The following EMILIN2 variants were observed in gnomAD, a reference collection of about 807,000 sequenced individuals.
The protein encoded by EMILIN2 is elastin microfibril interfacer 2.
A neutral mutation model predicts 87.1 loss-of-function variants in EMILIN2; 71 were observed. That is an observed-to-expected ratio of 0.82 (90% CI 0.67 to 0.99). EMILIN2 has a LOEUF of 0.99. Ranked by LOEUF, EMILIN2 falls within the 50% of genes least tolerant of loss-of-function variation. EMILIN2 has a pLI of 0.00. For missense variants in EMILIN2, 1,407 were observed against 1,371.8 expected (o/e 1.03, Z -0.40); for synonymous variants, 581 against 563.4 (o/e 1.03, Z -0.44).
chr18:2,898,353 G>A (rs1032651261), intron 4 of EMILIN2, among the ~76,000 whole-genome samples: 4 of 152,180 alleles, frequency 2.6e-5, no homozygotes, highest in African/African-American at 7.2e-5. Flanking sequence ...GGGGCAGCCC[G>A]CCCTCCCCAG....
intron 2 of EMILIN2, among the ~76,000 whole-genome samples, chr18:2,865,878 G>A (rs1482851052): frequency 2.0e-5 from 3 of 152,186 alleles, no homozygotes; most frequent in African/African-American, 7.2e-5. Context: ...CTTCCCAGAC[G>A]CTTTGTTTAC....
chr18:2,906,557 C>T (rs1196874876), intron 4 of EMILIN2: 5 of 365,372 alleles, frequency 1.4e-5, no homozygotes, highest in Admixed American at 4.7e-5. Context: ...AGGCTGGAAA[C>T]GCCCCGGCCC....
intron 2 of EMILIN2, among the ~76,000 whole-genome samples, chr18:2,849,451 T>C (rs1419819114): frequency 6.6e-6 from 1 of 152,170 alleles, no homozygotes; most frequent in African/African-American, 2.4e-5. Flanking sequence ...GTTTTTATTT[T>C]CTCAAATTAT....
At chr18:2,896,093 C>A (rs2076862070) in intron 4 of EMILIN2, among the ~76,000 whole-genome samples, 1 of 151,966 alleles carries the variant, frequency 6.6e-6, no homozygotes, top group African/African-American at 2.4e-5. Flanking sequence ...TTAAATAGAT[C>A]TAAGTCTCTT....
chr18:2,866,779 C>T (rs903854020), intron 2 of EMILIN2, among the ~76,000 whole-genome samples: 1 of 152,176 alleles, frequency 6.6e-6, no homozygotes, highest in African/African-American at 2.4e-5. Context: ...TATTCCAGTT[C>T]TCAGAGGGAA....
chr18:2,868,749 C>T (rs1003911747), intron 2 of EMILIN2, among the ~76,000 whole-genome samples: 2 of 152,202 alleles, frequency 1.3e-5, no homozygotes, highest in African/African-American at 2.4e-5. Flanking sequence ...GGCAGCAGCA[C>T]AGTCCAGCTT....
chr18:2,897,775 C>G (rs945929081), intron 4 of EMILIN2, among the ~76,000 whole-genome samples: 1 of 151,714 alleles, frequency 6.6e-6, no homozygotes, highest in African/African-American at 2.4e-5. Flanking sequence ...GGCAGGAGGA[C>G]CCCTTGAGCC....
chr18:2,868,783 G>A (rs1043660019), intron 2 of EMILIN2, among the ~76,000 whole-genome samples: 2 of 152,248 alleles, frequency 1.3e-5, no homozygotes, highest in Non-Finnish European at 2.9e-5. Context: ...GACGGAGACC[G>A]TGGAAAGAGG....
intron 2 of EMILIN2, among the ~76,000 whole-genome samples, chr18:2,876,785 G>A (rs562562191): frequency 6.8e-4 from 104 of 152,196 alleles, no homozygotes; most frequent in African/African-American, 2.4e-3. Context: ...ATAGATATAT[G>A]TACAAAGCTA....
intron 4 of EMILIN2, among the ~76,000 whole-genome samples, chr18:2,900,694 C>T (rs1294423875): frequency 2.6e-5 from 4 of 151,974 alleles, no homozygotes; most frequent in Admixed American, 6.5e-5. Context: ...GCACCACAAG[C>T]GACAGTTTCT....
Position 2,880,351 on chromosome 18 carries a change from T to C in EMILIN2, c.258-4613T>C, listed in dbSNP as rs960698009. ...TGTCTTGACACGGTTGCTGAACCCATTAAAATGGGAAACCCTTGTTTTCAC... is the reference window on the plus strand; with the variant it reads ...TGTCTTGACACGGTTGCTGAACCCACTAAAATGGGAAACCCTTGTTTTCAC... On this transcript the variant is annotated intron_variant, in intron 2 of 7. Coordinates refer to ENST00000254528, the MANE Select transcript of EMILIN2 (RefSeq NM_032048.3). The surrounding 1 kb of genome is among the most constrained non-coding windows in gnomAD (Gnocchi z 4.1). Among the ~76,000 whole-genome samples, 6 of 152,140 alleles carry C rather than the reference T, an allele frequency of 3.9e-5. No homozygotes were observed. Among genetic ancestry groups the C allele is most frequent in the African/African-American group, 1.4e-4 (6 of 41,428 alleles).
At position 2,913,784 on chromosome 18, in the gene EMILIN2, G is replaced by A. The variant is rs1439502903; in HGVS notation, c.*380G>A. On this transcript the variant is annotated 3_prime_UTR_variant, in exon 8 of 8. Transcript: ENST00000254528. The stretch of plus-strand genomic sequence containing the variant: ...GTCACGGTGGCTGGTCTTTACTGCA[G>A]GGCAGCACTGTGGCCAGCTGTCTGT... The A allele has an allele frequency of 4.8e-6, 1 of 209,830 alleles. No individual in the cohort carries two copies. The highest frequency in any genetic ancestry group is 9.6e-6 in the Non-Finnish European group (1 of 103,806). 13.0% of individuals were successfully genotyped at this position (209,830 alleles called of 1,614,324 possible). A position where few individuals can be genotyped will look rare whatever the true frequency, so the allele number is the denominator to read the frequency against.
intron 2 of EMILIN2, among the ~76,000 whole-genome samples, chr18:2,883,152 C>G (rs1419928470): frequency 6.6e-6 from 1 of 152,144 alleles, no homozygotes; most frequent in Non-Finnish European, 1.5e-5. Context: ...TGGGATTCTG[C>G]AGGGTGCCTA....
In EMILIN2 at chr18:2,868,095, G is replaced by A. The variant is rs191611136; in HGVS notation, c.258-16869G>A. On this transcript the variant is annotated intron_variant, in intron 2 of 7. Transcript: ENST00000254528. The stretch of plus-strand genomic sequence containing the variant: ...TCACTTCTCAGATGGAGCGGCTGCC[G>A]GGTGGAGGGACTCCTGACTTCTCAG... 3.8e-3 allele frequency among the ~76,000 whole-genome samples: 585 copies of A among 152,060 alleles called. 4 individuals are homozygous for A. The highest frequency in any genetic ancestry group is 0.013 in the African/African-American group (558 of 41,456).
rs756196097 is a variant in EMILIN2 at position 2,890,932 on chromosome 18, G to A, written c.805G>A (p.Val269Ile). 5.0e-6 allele frequency: 8 copies of A among 1,613,978 alleles called. No individual in the cohort carries two copies. In the Admixed American group the frequency reaches 1.3e-4, roughly 27 times the overall value. Residue 269 changes from valine (V) to isoleucine (I), a missense_variant, in exon 4 of 8, where the codon GTC (valine) becomes ATC (isoleucine). By Grantham distance (29) the Val-to-Ile change is conservative (BLOSUM62 3). Coordinates refer to ENST00000254528, the MANE Select transcript of EMILIN2 (RefSeq NM_032048.3). This position sits in a 1 kb window ranked among gnomAD's most constrained non-coding sequence, Gnocchi z 4.7. ...MKDIKSELAE[V>I]KDTLKNKSDK... ...GGACATCAAGTCTGAATTGGCTGAA[G>A]TCAAAGATACTCTAAAGAACAAAAG... is the stretch of plus-strand genomic sequence containing the variant.
intron 5 of EMILIN2, among the ~76,000 whole-genome samples, chr18:2,907,305 T>C (rs1410628401): frequency 6.6e-6 from 1 of 152,178 alleles, no homozygotes; most frequent in Admixed American, 6.5e-5. Context: ...CGTCTGTACT[T>C]AGACATACTG....
rs1016992016 is a variant in EMILIN2, at chr18:2,913,647, T to G, written c.*243T>G. The G allele has an allele frequency of 3.1e-5, 12 of 383,180 alleles. No homozygotes were observed. The highest frequency in any genetic ancestry group is 2.0e-4 in the South Asian group (4 of 20,086). The allele number at this position is 383,180 out of a possible 1,614,324, so 23.7% of individuals were successfully genotyped here. A position where few individuals can be genotyped will look rare whatever the true frequency, so the allele number is the denominator to read the frequency against. On this transcript the variant is annotated 3_prime_UTR_variant, in exon 8 of 8. Transcript: ENST00000254528. The stretch of plus-strand genomic sequence containing the variant: ...CACTCTAACTGGACAACTGGAAGAC[T>G]TGGAAAGGCCTCCACCTGTATCTAC...
chr18:2,893,845 G>A (rs1193658787), intron 4 of EMILIN2, among the ~76,000 whole-genome samples: 2 of 152,190 alleles, frequency 1.3e-5, no homozygotes, highest in African/African-American at 4.8e-5. Flanking sequence ...AGCCAGGATG[G>A]AAACCAGGCC....
At position 2,885,110 on chromosome 18, in the gene EMILIN2, G is replaced by A. The variant is rs747880723; in HGVS notation, c.404G>A (p.Arg135Gln). 28 of 1,609,972 alleles carry A rather than the reference G, an allele frequency of 1.7e-5. No homozygotes were observed. Among genetic ancestry groups the A allele is most frequent in the South Asian group, 1.4e-4 (13 of 90,502 alleles). ...AAGACCCTCCGCCCCACGCCGGCTC[G>A]GCCTCGAAACAGCTTGAAGAAAGCC... ...PVKTLRPTPA[R>Q]PRNSLKKATD... Residue 135 changes from arginine (R) to glutamine (Q), a missense_variant, in exon 3 of 8, where the codon CGG becomes CAG. Transcript: ENST00000254528.
Sources: allele counts gnomAD v4.1 joint callset (sites outside exome capture counted in the v4.1 genomes callset), GRCh38; gene constraint gnomAD v4.1.1; non-coding constraint Gnocchi (gnomAD v3.1); transcripts MANE v1.5; gene names NCBI Gene and HGNC (gene_info 2026-07-23, HGNC 2026-07-21).